The following NR3C2 variants were observed in gnomAD, a reference collection of about 807,000 sequenced individuals.
The protein encoded by NR3C2 is nuclear receptor subfamily 3 group C member 2.
NR3C2 carries 15 observed loss-of-function variants against 86.4 expected under a neutral mutation model. The observed-to-expected ratio is 0.17, with a 90% confidence interval of 0.12 to 0.27. NR3C2 has a LOEUF of 0.27. NR3C2 is among the 10% of genes least tolerant of loss of function. The probability of loss-of-function intolerance (pLI) is 1.00; values close to 1 mark genes in which losing one functional copy is unlikely to be tolerated. For synonymous variants in NR3C2, 458 were observed against 450.5 expected (o/e 1.02, Z -0.21); for missense variants, 960 against 1,195.6 (o/e 0.80, Z 2.91).
chr4:148,304,810 T>C (rs528997176), intron 2 of NR3C2, among the ~76,000 whole-genome samples: 1 of 151,900 alleles, frequency 6.6e-6, no homozygotes, highest in East Asian at 1.9e-4. Flanking sequence ...TCTTGCACTA[T>C]GCAGTGGGGA....
intron 2 of NR3C2, among the ~76,000 whole-genome samples, chr4:148,289,797 G>T (rs11733930): frequency 0.21 from 31,321 of 151,772 alleles, 4,084 homozygotes; most frequent in East Asian, 0.43. Flanking sequence ...TTTCCTTCTT[G>T]CTTGCTTGCT....
chr4:148,432,790 T>C (rs1036120957), intron 2 of NR3C2, among the ~76,000 whole-genome samples: 6 of 152,202 alleles, frequency 3.9e-5, no homozygotes, highest in Admixed American at 3.9e-4. Flanking sequence ...TTATAACATG[T>C]AGACTGAACT....
intron 2 of NR3C2, among the ~76,000 whole-genome samples, chr4:148,431,991 T>TTAAG (rs1165526653): frequency 6.6e-6 from 1 of 151,840 alleles, no homozygotes; most frequent in African/African-American, 2.4e-5. Context: ...ATTAAATTAT[T>TTAAG]TAAGTTAAAA....
chr4:148,234,366 C>T (rs1229559308), intron 3 of NR3C2, among the ~76,000 whole-genome samples: 1 of 151,954 alleles, frequency 6.6e-6, no homozygotes, highest in African/African-American at 2.4e-5. Flanking sequence ...ACTTATATAA[C>T]CTTATTTAAA....
rs1250381552 is a variant in NR3C2 at position 148,436,588 on chromosome 4, C to T, written c.273G>A (p.Glu91=). 2 of 1,614,180 alleles carry T rather than the reference C, an allele frequency of 1.2e-6. No individual in the cohort carries two copies. The highest frequency in any genetic ancestry group is 1.7e-6 in the Non-Finnish European group (2 of 1,180,040). The change falls in exon 2 of 9, where the codon GAG becomes GAA. Residue 91 remains glutamate (E), a synonymous_variant. Coordinates refer to ENST00000358102, the MANE Select transcript of NR3C2 (RefSeq NM_000901.5). Reference sequence around the variant, plus strand: ...TTGCTGAAAGTTCCTTAGATTCCAGCTCAGTTTTAATATCAGATGTTAAAA... The same window carrying T: ...TTGCTGAAAGTTCCTTAGATTCCAGTTCAGTTTTAATATCAGATGTTAAAA... ...PGILTSDIKT[E]LESKELSATV...
chr4:148,217,627 GC>G (rs1208055166), intron 3 of NR3C2, among the ~76,000 whole-genome samples: 1 of 152,128 alleles, frequency 6.6e-6, no homozygotes, highest in African/African-American at 2.4e-5. Flanking sequence ...ATGCTGGTTT[GC>G]CCCTGCTGTC....
intron 2 of NR3C2, among the ~76,000 whole-genome samples, chr4:148,325,337 C>T (rs905657564): frequency 3.3e-5 from 5 of 152,120 alleles, no homozygotes; most frequent in African/African-American, 7.2e-5. Context: ...AATTACAAAA[C>T]GTGGGAGAAA....
At chr4:148,338,826 A>C (rs937200486) in intron 2 of NR3C2, among the ~76,000 whole-genome samples, 1 of 152,228 alleles carries the variant, frequency 6.6e-6, no homozygotes, top group African/African-American at 2.4e-5. Flanking sequence ...TAATTTAATT[A>C]ACAATAAAAG....
chr4:148,084,603 A>G (rs931286153), intron 8 of NR3C2, among the ~76,000 whole-genome samples: 3 of 152,244 alleles, frequency 2.0e-5, no homozygotes, highest in African/African-American at 7.2e-5. Context: ...AAGAAACTGC[A>G]TCAACTAATG....
chr4:148,159,480 AC>A (rs1234529676), intron 4 of NR3C2, among the ~76,000 whole-genome samples: 2 of 152,218 alleles, frequency 1.3e-5, no homozygotes, highest in Non-Finnish European at 2.9e-5. Context: ...AAGAGCTTTT[AC>A]TTGTTTTCAG....
At chr4:148,288,586 T>C (rs532553213) in intron 2 of NR3C2, among the ~76,000 whole-genome samples, 1 of 152,364 alleles carries the variant, frequency 6.6e-6, no homozygotes, top group East Asian at 1.9e-4. Flanking sequence ...CTCTGGAGCA[T>C]AGGAAAGGTT....
chr4:148,282,474 C>A (rs1741298188), intron 2 of NR3C2, among the ~76,000 whole-genome samples: 1 of 152,164 alleles, frequency 6.6e-6, no homozygotes, highest in Non-Finnish European at 1.5e-5. Flanking sequence ...CCTAATATAT[C>A]TTACAGCATA....
chr4:148,112,979 T>C (rs1030803777), intron 8 of NR3C2, among the ~76,000 whole-genome samples: 10 of 152,320 alleles, frequency 6.6e-5, no homozygotes, highest in African/African-American at 1.2e-4. Flanking sequence ...AAAGAAAGTA[T>C]GGAAACTTCA....
chr4:148,167,541 C>T (rs149481784), intron 4 of NR3C2, among the ~76,000 whole-genome samples: 2 of 152,244 alleles, frequency 1.3e-5, no homozygotes, highest in East Asian at 3.9e-4. Context: ...ATCATAAGGC[C>T]ATGCCCAACA....
chr4:148,380,843 A>G (rs1452614168), intron 2 of NR3C2, among the ~76,000 whole-genome samples: 2 of 152,202 alleles, frequency 1.3e-5, no homozygotes, highest in Non-Finnish European at 2.9e-5. Flanking sequence ...AGACTTATAC[A>G]CAGTTAATCA....
At chr4:148,265,448 T>C (rs1259010611) in intron 2 of NR3C2, among the ~76,000 whole-genome samples, 1 of 152,178 alleles carries the variant, frequency 6.6e-6, no homozygotes, top group African/African-American at 2.4e-5. Context: ...TCATTGAGAA[T>C]CTCTAAGGCA....
intron 2 of NR3C2, among the ~76,000 whole-genome samples, chr4:148,427,667 T>C (rs1429602243): frequency 1.3e-5 from 2 of 151,902 alleles, no homozygotes; most frequent in Non-Finnish European, 2.9e-5. Flanking sequence ...TGACCCAGAA[T>C]GTGGCATTAG....
chr4:148,097,821 A>G (rs1731360765), intron 8 of NR3C2, among the ~76,000 whole-genome samples: 1 of 149,370 alleles, frequency 6.7e-6, no homozygotes, highest in South Asian at 2.1e-4. Context: ...GCCCAAGACA[A>G]TTCTTCTTCC....
intron 2 of NR3C2, among the ~76,000 whole-genome samples, chr4:148,262,947 A>G (rs1561007160): frequency 6.6e-6 from 1 of 152,094 alleles, no homozygotes; most frequent in African/African-American, 2.4e-5. Flanking sequence ...AGCACCATCT[A>G]CTTCGAGCTG....
Sources: gnomAD v4.1 joint callset for allele counts (sites outside exome capture counted in the v4.1 genomes callset) on GRCh38, gnomAD v4.1.1 for gene constraint, MANE v1.5 for transcripts, NCBI Gene and HGNC (gene_info 2026-07-23, HGNC 2026-07-21) for gene names.